Variants in ZNF544 observed in about 807,000 individuals in gnomAD.
The protein encoded by ZNF544 is zinc finger protein AF020591.
ZNF544 carries 10 observed loss-of-function variants against 13.5 expected under a neutral mutation model. The observed-to-expected ratio is 0.74, with a 90% CI of 0.46 to 1.25. ZNF544 has a LOEUF of 1.25. Ranked by LOEUF, ZNF544 falls within the 50% of genes most tolerant of loss-of-function variation. The pLI, the probability that ZNF544 is intolerant of heterozygous loss-of-function variation, is 0.00. For synonymous variants in ZNF544, 323 were observed against 300.5 expected (o/e 1.07, Z -0.77); for missense variants, 896 against 845.6 (o/e 1.06, Z -0.74).
intron 3 of ZNF544, among the ~76,000 whole-genome samples, chr19:58,240,216 C>T (rs1458881330): frequency 1.3e-5 from 2 of 152,066 alleles, no homozygotes; most frequent in African/African-American, 4.8e-5. Flanking sequence ...ATCCCAAGGG[C>T]TCAGAGGTTA....
downstream of ZNF544, among the ~76,000 whole-genome samples, chr19:58,265,754 G>A (rs1372720115): frequency 2.6e-5 from 4 of 151,232 alleles, no homozygotes; most frequent in African/African-American, 9.7e-5. Context: ...ATGAAGCCTG[G>A]CTAAATTTAT....
At chr19:58,245,925 C>T (rs981604735) in intron 4 of ZNF544, 7 of 335,432 alleles carry the variant, frequency 2.1e-5, no homozygotes, top group Non-Finnish European at 3.5e-5. Context: ...TGTCCCAGTC[C>T]GTTTGGGTTG....
Position 58,262,387 on chromosome 19 carries a change from AT to A in ZNF544, c.1782del (p.His594GlnfsTer55), listed in dbSNP as rs775911008. 2 of 1,614,216 alleles carry A rather than the reference AT, an allele frequency of 1.2e-6. No homozygotes were observed. The highest frequency in any genetic ancestry group is 1.7e-6 in the Non-Finnish European group (2 of 1,180,022). On this transcript the variant is annotated frameshift_variant, in exon 7 of 7. Coordinates refer to ENST00000687789, the MANE Select transcript of ZNF544 (RefSeq NM_014480.4). LOFTEE classifies it low-confidence loss of function (END_TRUNC). ...AGCCAAAGCTATCAGTTAGTTGCAC[AT>A]AAAAGAACTCACACTGGAGAAAAGC... ...SFSQSYQLVA[H>X]KRTHTGEKPY...
intron 5 of ZNF544, among the ~76,000 whole-genome samples, chr19:58,272,612 G>A (rs2050764216): frequency 6.6e-6 from 1 of 151,962 alleles, no homozygotes; most frequent in African/African-American, 2.4e-5. Context: ...GTTAGTCCTT[G>A]AAGATTTGAT....
Position 58,261,973 on chromosome 19 carries a change from G to A in ZNF544, c.1367G>A (p.Arg456Lys). 6.2e-7 allele frequency: 1 copy of A among 1,613,866 alleles called. No homozygotes were observed. The highest frequency in any genetic ancestry group is 8.5e-7 in the Non-Finnish European group (1 of 1,179,990). ...AACTCTAACCTCATTGTACATCAGA[G>A]AATTCATACTGGAGAGAAACCGTAT... ...RWNSNLIVHQ[R>K]IHTGEKPYEC... Residue 456 changes from arginine (R) to lysine (K), a missense_variant, in exon 7 of 7, where the codon AGA (arginine) becomes AAA (lysine). Transcript: ENST00000687789.
chr19:58,239,678 C>T (rs370237593), intron 3 of ZNF544, among the ~76,000 whole-genome samples: 2 of 152,178 alleles, frequency 1.3e-5, no homozygotes, highest in Admixed American at 6.5e-5. Flanking sequence ...GTGGGCGGAT[C>T]GCCCGAGGTC....
At chr19:58,241,187 T>TAATATATATA (rs1425417671) in intron 3 of ZNF544, among the ~76,000 whole-genome samples, 2 of 50,672 alleles carry the variant, frequency 3.9e-5, no homozygotes, top group African/African-American at 7.6e-5. Flanking sequence ...ATATTTTTTT[T>TAATATATATA]TTTTTGTAGA....
At chr19:58,241,560 G>A (rs948596176) in intron 3 of ZNF544, among the ~76,000 whole-genome samples, 96 of 150,362 alleles carry the variant, frequency 6.4e-4, no homozygotes, top group African/African-American at 2.2e-3. Flanking sequence ...GCAGTAGTGC[G>A]ATCTCAGCTC....
chr19:58,275,783 C>CTAAAAAAA (rs1392000258), intron 5 of ZNF544, among the ~76,000 whole-genome samples: 1 of 66,224 alleles, frequency 1.5e-5, no homozygotes. Flanking sequence ...GACCCTGTCT[C>CTAAAAAAA]AAAAAAAAAA....
chr19:58,232,346 CTTTTTTTTTTTTT>C (rs71190011), intron 3 of ZNF544, among the ~76,000 whole-genome samples: 1 of 75,232 alleles, frequency 1.3e-5, no homozygotes, highest in Non-Finnish European at 2.4e-5. Flanking sequence ...ACAATTTTAT[CTTTTTTTTTTTTT>C]TTTTTTTTTT....
rs1248335625 is a variant in ZNF544, at chr19:58,246,208, A to G, written c.34-93A>G. ...TATTAGGTTCCAATGTATGAATTTT[A>G]CGGGGGGACACCAACATTTAGGCCT... On this transcript the variant is annotated intron_variant, in intron 4 of 6. Coordinates refer to ENST00000687789, the MANE Select transcript of ZNF544 (RefSeq NM_014480.4). 7 of 1,559,500 alleles carry G rather than the reference A, an allele frequency of 4.5e-6. No individual in the cohort carries two copies. The East Asian group carries it at 9.1e-5, about 20-fold the overall frequency.
At chr19:58,241,179 A>ATATATTTTT (rs1181835768) in intron 3 of ZNF544, among the ~76,000 whole-genome samples, 2 of 72,766 alleles carry the variant, frequency 2.7e-5, no homozygotes, top group African/African-American at 1.2e-4. Flanking sequence ...ATATATATAT[A>ATATATTTTT]TTTTTTTTTT....
intron 3 of ZNF544, among the ~76,000 whole-genome samples, chr19:58,233,626 G>T (rs1457300478): frequency 6.6e-6 from 1 of 152,136 alleles, no homozygotes; most frequent in East Asian, 1.9e-4. Context: ...AAAATTTAAA[G>T]ACCCAGATTT....
chr19:58,263,296 A>G lies in ZNF544; in HGVS notation c.*542A>G. 2.3e-6 allele frequency: 2 copies of G among 871,504 alleles called. No individual in the cohort carries two copies. The highest frequency in any genetic ancestry group is 2.8e-6 in the Non-Finnish European group (2 of 725,694). 54.0% of individuals were successfully genotyped at this position (871,504 alleles called of 1,614,324 possible). A position where few individuals can be genotyped will look rare whatever the true frequency, so the allele number is the denominator to read the frequency against. ...GGTAACATGGCAAAATCCTGTCTTTACAAAAAATACAAAAATTAGCCTAGC... is the reference window on the plus strand; with the variant it reads ...GGTAACATGGCAAAATCCTGTCTTTGCAAAAAATACAAAAATTAGCCTAGC... On this transcript the variant is annotated 3_prime_UTR_variant, in exon 7 of 7. Coordinates refer to ENST00000687789, the MANE Select transcript of ZNF544 (RefSeq NM_014480.4).
At chr19:58,244,686 C>T (rs1241295457) in intron 4 of ZNF544, among the ~76,000 whole-genome samples, 1 of 149,784 alleles carries the variant, frequency 6.7e-6, no homozygotes, top group Non-Finnish European at 1.5e-5. Context: ...AGCGATCCTC[C>T]CACCTCAGCC....
chr19:58,240,873 A>C (rs920068319), intron 3 of ZNF544, among the ~76,000 whole-genome samples: 1 of 151,604 alleles, frequency 6.6e-6, no homozygotes, highest in African/African-American at 2.4e-5. Context: ...AGTATCATGG[A>C]ATGATGGGTT....
intron 5 of ZNF544, among the ~76,000 whole-genome samples, chr19:58,272,692 G>C (rs1477685595): frequency 2.0e-5 from 3 of 151,982 alleles, no homozygotes; most frequent in African/African-American, 7.3e-5. Flanking sequence ...AGACCAGCCT[G>C]GCCAACATGG....
chr19:58,262,300 T>C lies in ZNF544; in HGVS notation c.1694T>C (p.Ile565Thr). 6.2e-7 allele frequency: 1 copy of C among 1,613,804 alleles called. No homozygotes were observed. Among genetic ancestry groups the C allele is most frequent in the Non-Finnish European group, 8.5e-7 (1 of 1,180,010 alleles). ...TTCAGATGGAACTCTAACCTCGTCA[T>C]ACATCAGAGAATTCATACTGGAGAG... ...KSFRWNSNLV[I>T]HQRIHTGEKP... Residue 565 changes from isoleucine to threonine, a missense_variant, in exon 7 of 7, where the codon ATA (isoleucine) becomes ACA (threonine). Physicochemically the swap from Ile to Thr is moderately conservative, Grantham distance 89 (BLOSUM62 -1). Coordinates refer to ENST00000687789, the MANE Select transcript of ZNF544 (RefSeq NM_014480.4).
At chr19:58,250,039 A>G (rs1361931316) in intron 6 of ZNF544, among the ~76,000 whole-genome samples, 1 of 152,212 alleles carries the variant, frequency 6.6e-6, no homozygotes, top group Non-Finnish European at 1.5e-5. Context: ...CTTGGGAGCT[A>G]TATTAATTTC....
Sources: gnomAD v4.1 joint callset for allele counts (sites outside exome capture counted in the v4.1 genomes callset) on GRCh38, gnomAD v4.1.1 for gene constraint, MANE v1.5 for transcripts, NCBI Gene and HGNC (gene_info 2026-07-23, HGNC 2026-07-21) for gene names.